GATAD1: variants seen among roughly 807,000 people sequenced by gnomAD.
GATAD1 encodes GATA zinc finger domain containing 1, also known as GATA zinc finger domain-containing protein 1.
A neutral mutation model predicts 26.5 loss-of-function variants in GATAD1; 12 were observed. The observed-to-expected ratio is 0.45, with a 90% CI of 0.29 to 0.73. GATAD1 has a LOEUF of 0.73. GATAD1 is among the 30% of genes least tolerant of loss of function. GATAD1 has a pLI of 0.10. For synonymous variants in GATAD1, 129 were observed against 133.1 expected, an observed-to-expected ratio of 0.97 and a Z score of 0.21; for missense variants, 266 against 342.1, an observed-to-expected ratio of 0.78 and a Z score of 1.75.
chr7:92,462,302 CA>C (rs954224110), downstream of GATAD1, among the ~76,000 whole-genome samples: 9 of 146,114 alleles, frequency 6.2e-5, 1 homozygote, highest in South Asian at 1.5e-3. Context: ...TTTAATAACG[CA>C]AAAAAAAGTT....
chr7:92,463,240 G>C (rs1789985199), downstream of GATAD1, among the ~76,000 whole-genome samples: 1 of 152,182 alleles, frequency 6.6e-6, no homozygotes, highest in African/African-American at 2.4e-5. Flanking sequence ...GTGGGAAGAG[G>C]GGTATTGTGG....
chr7:92,452,594 G>T (rs1012855506), intron 3 of GATAD1, among the ~76,000 whole-genome samples: 1 of 152,184 alleles, frequency 6.6e-6, no homozygotes, highest in Non-Finnish European at 1.5e-5. Context: ...TGCTGTTCTC[G>T]TGTGGACCCC....
chr7:92,489,285 T>C, the GATAD1 span: 1 of 1,611,990 alleles, frequency 6.2e-7, no homozygotes, highest in Admixed American at 1.7e-5. Flanking sequence ...ACAGAATCTG[T>C]TACTTACAGC....
At chr7:92,491,628 CATT>C in the GATAD1 span, 1 of 658,206 alleles carries the variant, frequency 1.5e-6, no homozygotes, top group Non-Finnish European at 2.7e-6. Context: ...TCAAAGAGCT[CATT>C]AATTCTCTAA....
the GATAD1 span, among the ~76,000 whole-genome samples, chr7:92,473,694 C>T: frequency 2.0e-4 from 30 of 151,912 alleles, no homozygotes; most frequent in Admixed American, 1.7e-3. Flanking sequence ...GGAGAAGTAT[C>T]TAGTGACTGC....
chr7:92,470,254 C>T, the GATAD1 span: 2,704 of 773,398 alleles, frequency 3.5e-3, 9 homozygotes, highest in Non-Finnish European at 5.2e-3. Context: ...ATTTCCGGGA[C>T]GCTGCATTCT....
At chr7:92,449,673 C>CTTTT in intron 2 of GATAD1, 2 of 732,594 alleles carry the variant, frequency 2.7e-6, no homozygotes, top group Non-Finnish European at 3.3e-6. Flanking sequence ...AGACTATTTT[C>CTTTT]TTTTTTTTTT....
the GATAD1 span, chr7:92,490,177 AC>A: frequency 2.1e-6 from 1 of 479,580 alleles, no homozygotes; most frequent in Admixed American, 3.6e-5. Context: ...TAAATCCAAC[AC>A]ACTAATGCCC....
At chr7:92,448,976 T>A in intron 2 of GATAD1, 99 bp downstream of exon 2, 1 of 1,289,428 alleles carries the variant, frequency 7.8e-7, no homozygotes, top group Non-Finnish European at 1.1e-6. Flanking sequence ...CTGCCCTTGG[T>A]AGCCCTTCCT....
At chr7:92,495,236 AGTG>A in the GATAD1 span, among the ~76,000 whole-genome samples, 1 of 152,186 alleles carries the variant, frequency 6.6e-6, no homozygotes, top group Non-Finnish European at 1.5e-5. Flanking sequence ...ATTCAAAATA[AGTG>A]AATATTAATT....
the GATAD1 span, among the ~76,000 whole-genome samples, chr7:92,490,984 A>T: frequency 1.3e-5 from 2 of 152,244 alleles, no homozygotes; most frequent in Admixed American, 6.5e-5. Flanking sequence ...ATAAAATGGA[A>T]CTGCTCCTAA....
At chr7:92,479,999 T>A in the GATAD1 span, among the ~76,000 whole-genome samples, 1 of 151,830 alleles carries the variant, frequency 6.6e-6, no homozygotes, top group Non-Finnish European at 1.5e-5. Context: ...TGGTTGCGAG[T>A]TTTTGGGCTC....
At chr7:92,486,584 C>T in the GATAD1 span, among the ~76,000 whole-genome samples, 1 of 152,062 alleles carries the variant, frequency 6.6e-6, no homozygotes, top group Non-Finnish European at 1.5e-5. Flanking sequence ...TGGTTTAGAA[C>T]CTTGAACCTC....
chr7:92,482,720 T>C, the GATAD1 span, among the ~76,000 whole-genome samples: 1 of 151,990 alleles, frequency 6.6e-6, no homozygotes, highest in Admixed American at 6.5e-5. Flanking sequence ...AGCCCAGGAA[T>C]AGTCGGGGAA....
intron 1 of GATAD1, 51 bp downstream of exon 1, chr7:92,448,029 G>T (rs966183101): frequency 1.8e-5 from 21 of 1,181,262 alleles, no homozygotes; most frequent in Non-Finnish European, 2.2e-5. Flanking sequence ...GGTGCTAGGC[G>T]GGCGGGGACG....
the GATAD1 span, chr7:92,494,303 G>A: frequency 6.2e-7 from 1 of 1,612,152 alleles, no homozygotes; most frequent in Non-Finnish European, 8.5e-7. Context: ...CTGATCAGGA[G>A]GAGGACAGTA....
chr7:92,448,712 C>G, intron 1 of GATAD1, 40 bp from the exon 2 acceptor site: 1 of 1,564,468 alleles, frequency 6.4e-7, no homozygotes, highest in Non-Finnish European at 8.8e-7. Flanking sequence ...GCACTTTTTA[C>G]TTCTTTCTCT....
chr7:92,489,401 G>A, the GATAD1 span: 1 of 1,612,690 alleles, frequency 6.2e-7, no homozygotes, highest in Non-Finnish European at 8.5e-7. Flanking sequence ...GATTGGTCCT[G>A]GTTGGTTCAT....
the GATAD1 span, chr7:92,494,744 CTTT>C: frequency 1.1e-5 from 7 of 617,092 alleles, no homozygotes; most frequent in Non-Finnish European, 1.7e-5. Context: ...TTATATACTT[CTTT>C]TAATTTTTAC....
Sources: allele counts gnomAD v4.1 joint callset (sites outside exome capture counted in the v4.1 genomes callset), GRCh38; gene constraint gnomAD v4.1.1; transcripts MANE v1.5; gene names NCBI Gene and HGNC (gene_info 2026-07-23, HGNC 2026-07-21).